Variants in PCDH11X observed in about 807,000 individuals in gnomAD.
PCDH11X encodes protocadherin 11 X-linked.
In PCDH11X, 18 loss-of-function variants were observed where a neutral mutation model predicts 53.3. The ratio of observed to expected loss-of-function variants is 0.34; its 90% CI spans 0.23 to 0.50. PCDH11X has a LOEUF of 0.50. PCDH11X is among the 20% of genes least tolerant of loss of function. The probability of loss-of-function intolerance (pLI) is 0.98; values close to 1 mark genes in which losing one functional copy is unlikely to be tolerated. For synonymous variants in PCDH11X, 279 were observed against 393.3 expected (o/e 0.71, Z 3.44); for missense variants, 570 against 1,032.4 (o/e 0.55, Z 6.14).
rs768732519 is a variant in PCDH11X at position 92,422,229 on chromosome X, T to C, written c.3343+34296T>C. The stretch of plus-strand genomic sequence containing the variant: ...TCAGTTACATGGATAAGATTTTTAG[T>C]GATGATTTCTGAGATTTTGGTACAC... On this transcript the variant is annotated intron_variant, in intron 9 of 10. Coordinates refer to ENST00000682573, the MANE Select transcript of PCDH11X (RefSeq NM_032968.5). Among the ~76,000 whole-genome samples, 13 of 107,439 alleles carry C rather than the reference T, an allele frequency of 1.2e-4. No individual in the cohort carries two copies. The South Asian group carries it at 5.0e-3, about 41-fold the overall frequency. The allele number at this position is 107,439 out of a possible 115,157, so 93.3% of individuals were successfully genotyped here.
intron 8 of PCDH11X, among the ~76,000 whole-genome samples, chrX:92,359,109 C>T (rs2070286235): frequency 9.4e-6 from 1 of 105,968 alleles, no homozygotes; most frequent in Non-Finnish European, 1.9e-5. Context: ...TTTTTTTGTG[C>T]CAAACTGCCT....
At chrX:92,594,189 A>G (rs1925324785) in intron 10 of PCDH11X, among the ~76,000 whole-genome samples, 1 of 102,790 alleles carries the variant, frequency 9.7e-6, no homozygotes, top group Admixed American at 1.1e-4. Flanking sequence ...GGCTAAATAA[A>G]TGACTTACAG....
intron 10 of PCDH11X, among the ~76,000 whole-genome samples, chrX:92,480,938 C>T (rs1482196407): frequency 2.7e-5 from 3 of 111,102 alleles, no homozygotes; most frequent in South Asian, 3.8e-4. Context: ...TTCACAGCAG[C>T]GACAGAGGCA....
At chrX:92,359,132 A>T (rs78530540) in intron 8 of PCDH11X, among the ~76,000 whole-genome samples, 16,713 of 104,931 alleles carry the variant, frequency 0.16, 1,422 homozygotes, top group Non-Finnish European at 0.24. Flanking sequence ...TGTTAGAAAA[A>T]ATATATATAT....
At chrX:92,298,660 G>A (rs1314052179) in intron 8 of PCDH11X, among the ~76,000 whole-genome samples, 3 of 111,132 alleles carry the variant, frequency 2.7e-5, no homozygotes, top group Non-Finnish European at 5.7e-5. Flanking sequence ...TGGCCTCGTA[G>A]AATGAGTTAG....
At chrX:91,829,624 T>A (rs1211997492) in intron 4 of PCDH11X, among the ~76,000 whole-genome samples, 1 of 111,025 alleles carries the variant, frequency 9.0e-6, no homozygotes, top group East Asian at 2.8e-4. Flanking sequence ...TCACTTTCTG[T>A]TTCTTTCTCT....
chrX:92,075,981 C>T (rs2063766859), intron 6 of PCDH11X, among the ~76,000 whole-genome samples: 2 of 109,868 alleles, frequency 1.8e-5, no homozygotes, highest in South Asian at 3.9e-4. Context: ...TACCTAGAGG[C>T]TGTGGAAAGG....
At chrX:92,086,983 C>G (rs1329221983) in intron 6 of PCDH11X, among the ~76,000 whole-genome samples, 1 of 110,030 alleles carries the variant, frequency 9.1e-6, no homozygotes, top group Admixed American at 9.8e-5. Context: ...CATCACCAGA[C>G]TGGGAAGCAA....
At chrX:92,390,023 G>A (rs2071091848) in intron 9 of PCDH11X, among the ~76,000 whole-genome samples, 1 of 109,940 alleles carries the variant, frequency 9.1e-6, no homozygotes, top group Non-Finnish European at 1.9e-5. Context: ...GATGTCTGTG[G>A]GCAATGATAA....
At chrX:92,552,994 CGTGTGTGTGTGTGTGTGT>C (rs57655496) in intron 10 of PCDH11X, among the ~76,000 whole-genome samples, 2 of 88,903 alleles carry the variant, frequency 2.2e-5, no homozygotes, top group Admixed American at 1.3e-4. Flanking sequence ...CTGCAATTTT[CGTGTGTGTGTGTGTGTGT>C]GTGTGTGTGT....
chrX:91,914,622 A>G (rs1310555676), intron 6 of PCDH11X, among the ~76,000 whole-genome samples: 1 of 111,752 alleles, frequency 8.9e-6, no homozygotes, highest in East Asian at 2.8e-4. Context: ...GAAACTTTCA[A>G]CAGTAGCATA....
intron 6 of PCDH11X, among the ~76,000 whole-genome samples, chrX:92,127,329 C>G (rs2064885620): frequency 9.2e-6 from 1 of 108,820 alleles, no homozygotes; most frequent in Non-Finnish European, 1.9e-5. Flanking sequence ...TACCCCAATT[C>G]CTGGATTCAT....
chrX:91,938,710 G>A (rs1413085441), intron 6 of PCDH11X, among the ~76,000 whole-genome samples: 1 of 110,883 alleles, frequency 9.0e-6, no homozygotes, highest in Non-Finnish European at 1.9e-5. Flanking sequence ...AATAGTGCCT[G>A]TTTCTACTAG....
chrX:92,336,587 G>A (rs923422209), intron 8 of PCDH11X, among the ~76,000 whole-genome samples: 7 of 111,165 alleles, frequency 6.3e-5, no homozygotes, highest in Admixed American at 9.6e-5. Context: ...TTTTGTTAGG[G>A]CATTTTTGAT....
chrX:91,846,684 A>G (rs1480896204), intron 5 of PCDH11X, among the ~76,000 whole-genome samples: 1 of 111,658 alleles, frequency 9.0e-6, no homozygotes, highest in Admixed American at 9.5e-5. Flanking sequence ...TTCATTGACA[A>G]TTGTTTAATC....
At chrX:92,348,416 T>C (rs2069954865) in intron 8 of PCDH11X, among the ~76,000 whole-genome samples, 2 of 110,816 alleles carry the variant, frequency 1.8e-5, no homozygotes, top group Admixed American at 1.9e-4. Context: ...GCTGTACAGC[T>C]TTCTCTTTTG....
chrX:92,267,449 TA>T (rs2067857988), intron 8 of PCDH11X, among the ~76,000 whole-genome samples: 5 of 112,528 alleles, frequency 4.4e-5, no homozygotes, highest in Admixed American at 9.4e-5. Context: ...GCAAAGCAAG[TA>T]AAAGCCATTC....
rs2064734684 is a variant in PCDH11X at position 92,120,375 on chromosome X, G to A, written c.3034-81000G>A. The stretch of plus-strand genomic sequence containing the variant: ...GGGTTTCACCATCTTGGCCAGGCTG[G>A]TCTTGAACTCCTGACCTCGTGATCC... On this transcript the variant is annotated intron_variant, in intron 6 of 10. Coordinates refer to ENST00000682573, the MANE Select transcript of PCDH11X (RefSeq NM_032968.5). Among the ~76,000 whole-genome samples, 3 of 111,202 alleles carry A rather than the reference G, an allele frequency of 2.7e-5. 1 individual carries two copies. In the South Asian group the frequency reaches 1.1e-3, roughly 41 times the overall value.
At chrX:91,798,074 G>GAAAAA (rs71746373) in intron 1 of PCDH11X, 1 of 104,185 alleles carries the variant, frequency 9.6e-6, no homozygotes. Flanking sequence ...TTAAAAACTT[G>GAAAAA]AAAAAAAAAA....
Sources: gnomAD v4.1 joint callset for allele counts (sites outside exome capture counted in the v4.1 genomes callset) on GRCh38, gnomAD v4.1.1 for gene constraint, MANE v1.5 for transcripts, NCBI Gene and HGNC (gene_info 2026-07-23, HGNC 2026-07-21) for gene names.